The following GGH variants were observed in gnomAD, a reference collection of about 807,000 sequenced individuals.
GGH encodes gamma-Glu-X carboxypeptidase.
In GGH, 18 loss-of-function variants were observed where a neutral mutation model predicts 39.2. The ratio of observed to expected loss-of-function variants is 0.46; its 90% CI spans 0.32 to 0.68. GGH has a LOEUF of 0.68. Ranked by LOEUF, GGH falls within the 30% of genes least tolerant of loss-of-function variation. The pLI is 0.04. For missense variants in GGH, 367 were observed against 384.1 expected (o/e 0.96, Z 0.37); for synonymous variants, 147 against 138.8 (o/e 1.06, Z -0.42).
chr8:63,037,190 A>C (rs1378866652), intron 1 of GGH, among the ~76,000 whole-genome samples: 1 of 151,752 alleles, frequency 6.6e-6, no homozygotes, highest in Admixed American at 6.6e-5. Context: ...CAAACGCCAA[A>C]ATTTGTTCAG....
At position 63,024,102 on chromosome 8, in the gene GGH, T is replaced by G; in HGVS notation, c.584A>C (p.His195Pro). ...LAVEPLTANF[H>P]KWSLSVKNFT... ...TACCTTCACGGAGAGGCTCCACTTATGGAAATTGGCAGTCAGAGGTTCTAC... is the reference window on the plus strand; with the variant it reads ...TACCTTCACGGAGAGGCTCCACTTAGGGAAATTGGCAGTCAGAGGTTCTAC... Residue 195 changes from histidine to proline, a missense_variant, in exon 6 of 9, where the codon CAT becomes CCT. His to Pro is a moderately conservative substitution (Grantham distance 77). Transcript: ENST00000260118. 6.2e-7 allele frequency: 1 copy of G among 1,606,808 alleles called. No individual in the cohort carries two copies. Among genetic ancestry groups the G allele is most frequent in the Non-Finnish European group, 8.5e-7 (1 of 1,173,578 alleles).
At chr8:63,038,497 G>T (rs983143865) in intron 1 of GGH, among the ~76,000 whole-genome samples, 163 bp downstream of exon 1, 1 of 152,204 alleles carries the variant, frequency 6.6e-6, no homozygotes, top group South Asian at 2.1e-4. Flanking sequence ...ATTTCAGTAC[G>T]ACCTAAATGG....
At chr8:63,022,291 T>A (rs1016305613) in intron 7 of GGH, among the ~76,000 whole-genome samples, 1 of 152,144 alleles carries the variant, frequency 6.6e-6, no homozygotes, top group African/African-American at 2.4e-5. Flanking sequence ...AAAATTTTTT[T>A]TTTAATATGG....
At chr8:63,023,859 A>T in intron 7 of GGH, 48 bp downstream of exon 7, 1 of 1,261,262 alleles carries the variant, frequency 7.9e-7, no homozygotes, top group African/African-American at 1.6e-5. Context: ...ATCAAAATTT[A>T]AAAATATAAA....
At chr8:63,031,968 A>C (rs1010514668) in intron 2 of GGH, among the ~76,000 whole-genome samples, 7 of 152,224 alleles carry the variant, frequency 4.6e-5, no homozygotes, top group African/African-American at 1.7e-4. Flanking sequence ...TGCCCCATTT[A>C]AAACTCAATC....
Position 63,026,213 on chromosome 8 carries a change from G to A in GGH, c.444C>T (p.Cys148=), listed in dbSNP as rs776125764. Reference sequence around the variant, plus strand: ...CAACAGTATCTGTGGCAGTTAATAAGCACTCTCCACTAATCAGCAGTGAAA... The same window carrying A: ...CAACAGTATCTGTGGCAGTTAATAAACACTCTCCACTAATCAGCAGTGAAA... The part of the protein sequence containing the change: ...EELSLLISGE[C]LLTATDTVDV... Residue 148 remains cysteine, a synonymous_variant, in exon 5 of 9, where the codon TGC becomes TGT. Coordinates refer to ENST00000260118, the MANE Select transcript of GGH (RefSeq NM_003878.3). 6.2e-6 allele frequency: 10 copies of A among 1,610,556 alleles called. No individual in the cohort carries two copies. The South Asian group carries it at 1.1e-4, about 18-fold the overall frequency.
chr8:63,038,019 C>G (rs1220221831), intron 1 of GGH, among the ~76,000 whole-genome samples: 1 of 152,216 alleles, frequency 6.6e-6, no homozygotes, highest in Non-Finnish European at 1.5e-5. Context: ...AGGATGATTT[C>G]TCCTAGGTAG....
At chr8:63,033,685 A>G (rs1451370464) in intron 2 of GGH, among the ~76,000 whole-genome samples, 1 of 152,004 alleles carries the variant, frequency 6.6e-6, no homozygotes, top group East Asian at 1.9e-4. Flanking sequence ...ACATGGGTAT[A>G]TTGTGTGATG....
rs192249512 is a variant in GGH, at chr8:63,015,197, C to T, written c.*135G>A. The T allele has an allele frequency of 2.0e-6, 1 of 512,784 alleles. No individual in the cohort carries two copies. Among genetic ancestry groups the T allele is most frequent in the African/African-American group, 2.0e-5 (1 of 50,226 alleles). The allele number at this position is 512,784 out of a possible 1,614,324, so 31.8% of individuals were successfully genotyped here. A position where few individuals can be genotyped will look rare whatever the true frequency, so the allele number is the denominator to read the frequency against. ...CTAATGTTATATAAATAGTCACATA[C>T]AGAATGAAGAATCAGAGCCAGGCAC... On this transcript the variant is annotated 3_prime_UTR_variant, in exon 9 of 9. Coordinates refer to ENST00000260118, the MANE Select transcript of GGH (RefSeq NM_003878.3).
At chr8:63,016,081 A>G (rs982369249) in intron 8 of GGH, among the ~76,000 whole-genome samples, 1 of 152,214 alleles carries the variant, frequency 6.6e-6, no homozygotes, top group Non-Finnish European at 1.5e-5. Flanking sequence ...AGGCACAGTG[A>G]GAAGTTTGGC....
At chr8:63,029,242 C>G (rs1804756551) in intron 3 of GGH, among the ~76,000 whole-genome samples, 1 of 152,158 alleles carries the variant, frequency 6.6e-6, no homozygotes, top group Non-Finnish European at 1.5e-5. Context: ...CTCTTCACCC[C>G]CACCTTTAAC....
At chr8:63,029,263 C>T (rs1482727611) in intron 3 of GGH, among the ~76,000 whole-genome samples, 1 of 152,118 alleles carries the variant, frequency 6.6e-6, no homozygotes, top group Non-Finnish European at 1.5e-5. Context: ...AAAAAGCAAA[C>T]GGGGTGTATG....
chr8:63,016,979 A>T (rs1804497181), intron 8 of GGH, among the ~76,000 whole-genome samples: 2 of 152,200 alleles, frequency 1.3e-5, no homozygotes, highest in South Asian at 4.1e-4. Context: ...TTAGAATTAA[A>T]GCATTATTCT....
chr8:63,036,493 T>C (rs1261081654), intron 1 of GGH, among the ~76,000 whole-genome samples: 1 of 151,732 alleles, frequency 6.6e-6, no homozygotes, highest in Non-Finnish European at 1.5e-5. Flanking sequence ...GGACAAACAA[T>C]AAACAAGACA....
chr8:63,020,630 G>A (rs561689952), intron 7 of GGH, among the ~76,000 whole-genome samples: 4 of 152,192 alleles, frequency 2.6e-5, no homozygotes, highest in African/African-American at 9.7e-5. Context: ...GAAAGGAATA[G>A]GGGAAAGGGG....
intron 8 of GGH, among the ~76,000 whole-genome samples, chr8:63,015,737 C>T (rs953887037): frequency 6.6e-6 from 1 of 152,034 alleles, no homozygotes; most frequent in African/African-American, 2.4e-5. Context: ...CGATTTATGG[C>T]ACAGTCGCGC....
At chr8:63,029,231 T>C (rs1175890221) in intron 3 of GGH, among the ~76,000 whole-genome samples, 3 of 152,142 alleles carry the variant, frequency 2.0e-5, no homozygotes, top group African/African-American at 7.2e-5. Flanking sequence ...AATATGCATA[T>C]CTCTTCACCC....
At chr8:63,035,939 C>A (rs1174410494) in intron 1 of GGH, among the ~76,000 whole-genome samples, 169 bp from the exon 2 acceptor site, 3 of 152,250 alleles carry the variant, frequency 2.0e-5, no homozygotes, top group Admixed American at 1.3e-4. Context: ...GCAGGGGAGG[C>A]TGATCTTACT....
intron 1 of GGH, among the ~76,000 whole-genome samples, chr8:63,036,512 T>C (rs150188044): frequency 2.6e-5 from 4 of 152,070 alleles, no homozygotes; most frequent in African/African-American, 9.6e-5. Flanking sequence ...CAAAAAGGCA[T>C]AATATATAGA....
Sources: allele counts gnomAD v4.1 joint callset (sites outside exome capture counted in the v4.1 genomes callset), GRCh38; gene constraint gnomAD v4.1.1; transcripts MANE v1.5; gene names NCBI Gene and HGNC (gene_info 2026-07-23, HGNC 2026-07-21).